Variants in RP1 observed in about 807,000 individuals in gnomAD.
The protein encoded by RP1 is oxygen-regulated protein 1.
RP1 carries 16 observed loss-of-function variants against 14.8 expected under a neutral mutation model. The ratio of observed to expected loss-of-function variants is 1.08; its 90% confidence interval spans 0.73 to 1.65. The LOEUF (loss-of-function observed/expected upper bound fraction) is 1.65. RP1 is among the 40% of genes most tolerant of loss of function. RP1 has a pLI of 0.00. For synonymous variants in RP1, 876 were observed against 883.6 expected (o/e 0.99, Z 0.15); for missense variants, 2,631 against 2,535.0 (o/e 1.04, Z -0.81).
At chr8:54,661,148 A>T (rs1806882351) in intron 6 of RP1, among the ~76,000 whole-genome samples, 1 of 148,406 alleles carries the variant, frequency 6.7e-6, no homozygotes, top group Non-Finnish European at 1.5e-5. Context: ...TCTATTAAAA[A>T]ATATAAAATT....
exon 25 of RP1, chr8:54,837,578 A>T: frequency 8.1e-7 from 1 of 1,231,920 alleles, no homozygotes; most frequent in East Asian, 3.2e-5. Flanking sequence ...TATTTTGTTT[A>T]CCTGTTGATT....
intron 14 of RP1, among the ~76,000 whole-genome samples, chr8:54,703,255 A>G (rs1037573116): frequency 5.3e-5 from 8 of 152,216 alleles, no homozygotes; most frequent in African/African-American, 1.9e-4. Context: ...TTCTTAAATA[A>G]TAAGGCTTGA....
intron 24 of RP1, among the ~76,000 whole-genome samples, chr8:54,809,639 G>A (rs1810940069): frequency 6.6e-6 from 1 of 152,154 alleles, no homozygotes; most frequent in South Asian, 2.1e-4. Flanking sequence ...AAGAAAATAA[G>A]ATTCTATTTT....
intron 17 of RP1, among the ~76,000 whole-genome samples, chr8:54,734,040 C>T (rs1808854284): frequency 6.6e-6 from 1 of 152,178 alleles, no homozygotes; most frequent in South Asian, 2.1e-4. Flanking sequence ...AGTTCCAAAT[C>T]CTTTCCATTG....
At chr8:54,624,333 T>C (rs1159818288) in intron 3 of RP1, among the ~76,000 whole-genome samples, 1 of 149,430 alleles carries the variant, frequency 6.7e-6, no homozygotes, top group Non-Finnish European at 1.5e-5. Flanking sequence ...TAGTCCCAGC[T>C]ATTCGGGATG....
At chr8:54,868,898 G>A (rs1563401520) in intron 28 of RP1, among the ~76,000 whole-genome samples, 2 of 152,240 alleles carry the variant, frequency 1.3e-5, no homozygotes, top group Admixed American at 1.3e-4. Flanking sequence ...CCAAGATATA[G>A]AGGGGTTACA....
At chr8:54,569,883 T>G (rs1804484624) in intron 1 of RP1, among the ~76,000 whole-genome samples, 1 of 151,938 alleles carries the variant, frequency 6.6e-6, no homozygotes, top group Non-Finnish European at 1.5e-5. Context: ...GACAGGGAGG[T>G]GGACACAGAC....
chr8:54,830,800 G>A lies in RP1; in HGVS notation c.3616-6650G>A, dbSNP rs534372505. Among the ~76,000 whole-genome samples, 6 of 152,150 alleles carry A rather than the reference G, an allele frequency of 3.9e-5. No individual in the cohort carries two copies. In the South Asian group the frequency reaches 1.0e-3, roughly 26 times the overall value. Reference sequence around the variant, plus strand: ...TGTTATGCAGCCACTACCCTGTCTAGTTCCAAAACATTTTCATCATGCCAA... The same window carrying A: ...TGTTATGCAGCCACTACCCTGTCTAATTCCAAAACATTTTCATCATGCCAA... On this transcript the variant is annotated intron_variant, in intron 24 of 28. Transcript: ENST00000637698.
At chr8:54,697,173 A>G in intron 12 of RP1, 1 of 786,494 alleles carries the variant, frequency 1.3e-6, no homozygotes, top group African/African-American at 1.7e-5. Context: ...AAGTGGAAGC[A>G]TGTGTTTCCT....
In RP1 at chr8:54,777,662, T is replaced by C. The variant is rs114209220; in HGVS notation, c.3452-5885T>C. ...AAGCACTTAAAAATTAAAAAAAATC[T>C]CATGATCCTCTTATGAGGTTGTATT... On this transcript the variant is annotated intron_variant, in intron 23 of 28. Transcript: ENST00000637698. Among the ~76,000 whole-genome samples, 1,493 of 152,274 alleles carry C rather than the reference T, an allele frequency of 9.8e-3. 26 individuals are homozygous for C. Among genetic ancestry groups the C allele is most frequent in the African/African-American group, 0.034 (1,414 of 41,552 alleles).
intron 1 of RP1, among the ~76,000 whole-genome samples, chr8:54,559,873 A>G (rs775944317): frequency 2.0e-5 from 3 of 152,214 alleles, no homozygotes; most frequent in East Asian, 1.9e-4. Context: ...AAGAGTATGG[A>G]CAAGATGAGA....
chr8:54,738,758 C>T (rs867398330), intron 18 of RP1, among the ~76,000 whole-genome samples: 3 of 152,156 alleles, frequency 2.0e-5, no homozygotes, highest in African/African-American at 7.2e-5. Flanking sequence ...CTGTCTCATA[C>T]TCTGTGTCTG....
intron 7 of RP1, among the ~76,000 whole-genome samples, chr8:54,670,498 TATATATACACATATATATGTATGTG>T (rs1373908078): frequency 1.2e-4 from 7 of 59,986 alleles, no homozygotes; most frequent in African/African-American, 2.8e-4. Flanking sequence ...TAAGTATGTA[TATATATACACATATATATGTATGTG>T]TATATATATA....
At chr8:54,599,612 C>T (rs1363911996) in intron 1 of RP1, among the ~76,000 whole-genome samples, 1 of 152,060 alleles carries the variant, frequency 6.6e-6, no homozygotes, top group Non-Finnish European at 1.5e-5. Flanking sequence ...CATCACCATG[C>T]CTGGCTAATT....
intron 1 of RP1, among the ~76,000 whole-genome samples, chr8:54,584,662 T>C (rs1037397235): frequency 6.6e-6 from 1 of 152,222 alleles, no homozygotes; most frequent in Admixed American, 6.5e-5. Context: ...CTCTAAGGAC[T>C]TGCTTTATGA....
intron 1 of RP1, among the ~76,000 whole-genome samples, chr8:54,588,442 A>G (rs1054912794): frequency 2.0e-5 from 3 of 152,200 alleles, no homozygotes; most frequent in Non-Finnish European, 4.4e-5. Context: ...CTAGGCCTTC[A>G]TGTTTTGAAG....
chr8:54,844,444 C>T (rs545888735), intron 25 of RP1, among the ~76,000 whole-genome samples: 3 of 152,084 alleles, frequency 2.0e-5, no homozygotes, highest in Non-Finnish European at 2.9e-5. Context: ...GGGTGTAATG[C>T]TGTTTGCCCC....
chr8:54,673,182 T>A (rs2129333021), intron 7 of RP1, among the ~76,000 whole-genome samples: 1 of 151,800 alleles, frequency 6.6e-6, no homozygotes, highest in African/African-American at 2.4e-5. Flanking sequence ...GTAGAAAGGA[T>A]TTTTTTTTCA....
At chr8:54,810,651 C>A (rs1810968952) in intron 24 of RP1, among the ~76,000 whole-genome samples, 1 of 152,154 alleles carries the variant, frequency 6.6e-6, no homozygotes, top group Non-Finnish European at 1.5e-5. Context: ...CACATTATGG[C>A]AAGAAATGAA....
Sources: allele counts gnomAD v4.1 joint callset (sites outside exome capture counted in the v4.1 genomes callset), GRCh38; gene constraint gnomAD v4.1.1; transcripts MANE v1.5; gene names NCBI Gene and HGNC (gene_info 2026-07-23, HGNC 2026-07-21).